Variants in EPYC observed in about 807,000 individuals in gnomAD.
EPYC encodes the protein dermatan sulfate proteoglycan 3.
EPYC carries 28 observed loss-of-function variants against 30.1 expected under a neutral mutation model. The observed-to-expected ratio is 0.93, with a 90% CI of 0.69 to 1.28. The LOEUF (loss-of-function observed/expected upper bound fraction) is 1.28. EPYC is among the 50% of genes most tolerant of loss of function. The pLI, the probability that EPYC is intolerant of heterozygous loss-of-function variation, is 0.00. For synonymous variants in EPYC, 144 were observed against 141.4 expected (o/e 1.02, Z -0.13); for missense variants, 382 against 383.5 (o/e 1.00, Z 0.03).
intron 2 of EPYC, among the ~76,000 whole-genome samples, chr12:90,993,892 G>C (rs1877641982): frequency 6.6e-6 from 1 of 152,072 alleles, no homozygotes; most frequent in Non-Finnish European, 1.5e-5. Flanking sequence ...GGATAAATGA[G>C]TAAATACTTT....
chr12:91,001,410 C>T (rs141086665), intron 2 of EPYC, among the ~76,000 whole-genome samples: 1 of 151,990 alleles, frequency 6.6e-6, no homozygotes, highest in Non-Finnish European at 1.5e-5. Context: ...GATGTAATTT[C>T]TCTTTTTGTT....
chr12:91,001,226 TAAAC>T (rs2120874894), intron 2 of EPYC, among the ~76,000 whole-genome samples: 1 of 152,176 alleles, frequency 6.6e-6, no homozygotes, highest in South Asian at 2.1e-4. Context: ...TAAGGCAACA[TAAAC>T]AATATTGAAA....
intron 6 of EPYC, among the ~76,000 whole-genome samples, chr12:90,965,399 A>G (rs1876869510): frequency 6.6e-6 from 1 of 152,150 alleles, no homozygotes; most frequent in South Asian, 2.1e-4. Context: ...TGAGTCATAT[A>G]GTAACTTCAT....
At chr12:90,980,494 C>A (rs1877300361) in intron 2 of EPYC, among the ~76,000 whole-genome samples, 1 of 152,108 alleles carries the variant, frequency 6.6e-6, no homozygotes, top group Non-Finnish European at 1.5e-5. Flanking sequence ...CATTTATTTT[C>A]ACCATTAAAT....
intron 6 of EPYC, among the ~76,000 whole-genome samples, chr12:90,964,549 T>A (rs1432134174): frequency 6.6e-6 from 1 of 152,070 alleles, no homozygotes; most frequent in Non-Finnish European, 1.5e-5. Context: ...AGAAATACAA[T>A]TTGAGGTGAG....
intron 1 of EPYC, among the ~76,000 whole-genome samples, 181 bp downstream of exon 1, chr12:91,004,766 C>A (rs1877913480): frequency 6.6e-6 from 1 of 152,042 alleles, no homozygotes; most frequent in Admixed American, 6.6e-5. Context: ...AATTCCTAAG[C>A]TAATTCAAAA....
chr12:90,972,369 T>C (rs892380313), intron 4 of EPYC, among the ~76,000 whole-genome samples: 5 of 152,220 alleles, frequency 3.3e-5, no homozygotes, highest in Non-Finnish European at 5.9e-5. Context: ...TAAAACACTT[T>C]ATGACAACAC....
At chr12:90,990,596 A>T (rs1877559907) in intron 2 of EPYC, among the ~76,000 whole-genome samples, 1 of 152,154 alleles carries the variant, frequency 6.6e-6, no homozygotes. Context: ...GTTAACCTTC[A>T]TCCTCTTAGT....
At chr12:90,997,595 AAAG>A (rs1290046177) in intron 2 of EPYC, among the ~76,000 whole-genome samples, 1 of 152,098 alleles carries the variant, frequency 6.6e-6, no homozygotes, top group African/African-American at 2.4e-5. Flanking sequence ...TAAAACACTC[AAAG>A]AATATCAACT....
intron 1 of EPYC, among the ~76,000 whole-genome samples, chr12:91,003,303 GA>G (rs936180789): frequency 1.3e-5 from 2 of 151,590 alleles, no homozygotes; most frequent in African/African-American, 2.4e-5. Flanking sequence ...AAATAGAATA[GA>G]AAAAAAATTT....
At chr12:91,002,045 C>T (rs12314336) in intron 2 of EPYC, among the ~76,000 whole-genome samples, 2,749 of 151,458 alleles carry the variant, frequency 0.018, 76 homozygotes, top group African/African-American at 0.062. Flanking sequence ...AAATTAGCTG[C>T]GTGTGTCCTA....
At chr12:90,978,365 A>G (rs1009601066) in intron 2 of EPYC, 103 bp from the exon 3 acceptor site, 5 of 1,135,554 alleles carry the variant, frequency 4.4e-6, no homozygotes, top group Non-Finnish European at 6.1e-6. Context: ...CCACAAGAGG[A>G]CACTCATGTT....
intron 2 of EPYC, 124 bp downstream of exon 2, chr12:91,002,277 T>C (rs1877849195): frequency 4.1e-6 from 3 of 739,348 alleles, no homozygotes; most frequent in Non-Finnish European, 6.4e-6. Flanking sequence ...AAGGTTAATA[T>C]GAAATTATTA....
intron 2 of EPYC, among the ~76,000 whole-genome samples, chr12:91,000,093 G>T (rs1156342892): frequency 6.6e-6 from 1 of 151,888 alleles, no homozygotes; most frequent in Admixed American, 6.6e-5. Context: ...CTACAAACTG[G>T]TTTTTCTGAT....
intron 2 of EPYC, among the ~76,000 whole-genome samples, chr12:90,985,221 G>A (rs1592628142): frequency 6.6e-6 from 1 of 151,462 alleles, no homozygotes; most frequent in South Asian, 2.1e-4. Context: ...GGAGAATTAG[G>A]AAAAAGCACA....
intron 2 of EPYC, among the ~76,000 whole-genome samples, chr12:90,981,906 TG>T (rs749325160): frequency 6.6e-6 from 1 of 152,166 alleles, no homozygotes; most frequent in Non-Finnish European, 1.5e-5. Context: ...TCAATGATAA[TG>T]TAATATATAT....
chr12:90,969,485 T>C (rs78552037), intron 6 of EPYC, among the ~76,000 whole-genome samples: 3,804 of 151,142 alleles, frequency 0.025, 161 homozygotes, highest in African/African-American at 0.087. Context: ...TGTAGCTTAA[T>C]GGGCTTTAAA....
intron 2 of EPYC, among the ~76,000 whole-genome samples, chr12:90,997,594 C>A (rs1400147542): frequency 1.3e-5 from 2 of 152,044 alleles, no homozygotes; most frequent in African/African-American, 4.8e-5. Context: ...TTAAAACACT[C>A]AAAGAATATC....
intron 2 of EPYC, among the ~76,000 whole-genome samples, chr12:90,985,586 A>G (rs1877430123): frequency 6.6e-6 from 1 of 152,178 alleles, no homozygotes; most frequent in African/African-American, 2.4e-5. Flanking sequence ...GGTTCAGAGG[A>G]CAGAAAATGG....
Sources: gnomAD v4.1 joint callset for allele counts (sites outside exome capture counted in the v4.1 genomes callset) on GRCh38, gnomAD v4.1.1 for gene constraint, MANE v1.5 for transcripts, NCBI Gene and HGNC (gene_info 2026-07-23, HGNC 2026-07-21) for gene names.